SH3RF2: variants seen among roughly 807,000 people sequenced by gnomAD.
SH3RF2 encodes the protein E3 ubiquitin-protein ligase SH3RF2.
SH3RF2 carries 43 observed loss-of-function variants against 59.0 expected under a neutral mutation model. The ratio of observed to expected loss-of-function variants is 0.73; its 90% CI spans 0.57 to 0.94. The LOEUF (loss-of-function observed/expected upper bound fraction) is 0.94, where lower values mean the gene tolerates loss of function less well. Among genes scored for constraint, SH3RF2 ranks in the 40% least tolerant of loss-of-function variants. The pLI is 0.00. For synonymous variants in SH3RF2, 391 were observed against 391.5 expected, an observed-to-expected ratio of 1.00 and a Z score of 0.01; for missense variants, 930 against 940.1, an observed-to-expected ratio of 0.99 and a Z score of 0.14.
chr5:146,077,575 T>A (rs893794452), intron 9 of SH3RF2, among the ~76,000 whole-genome samples: 38 of 152,278 alleles, frequency 2.5e-4, no homozygotes, highest in African/African-American at 9.1e-4. Flanking sequence ...TCCCTAAACA[T>A]TTCAGTGTGT....
chr5:145,973,315 ACTG>A (rs1287441527), intron 2 of SH3RF2, among the ~76,000 whole-genome samples: 1 of 152,144 alleles, frequency 6.6e-6, no homozygotes, highest in East Asian at 1.9e-4. Flanking sequence ...CAGTAGGGAG[ACTG>A]CTAAAGAGTT....
intron 2 of SH3RF2, among the ~76,000 whole-genome samples, chr5:145,984,309 T>C (rs1309592175): frequency 6.6e-6 from 1 of 151,868 alleles, no homozygotes; most frequent in East Asian, 1.9e-4. Flanking sequence ...GGGTGATGAG[T>C]GTTATGATAG....
chr5:146,066,465 A>G (rs928301364), downstream of SH3RF2, among the ~76,000 whole-genome samples: 5 of 152,320 alleles, frequency 3.3e-5, no homozygotes, highest in South Asian at 1.0e-3. Flanking sequence ...TGCTGGCATC[A>G]TGAACACCTA....
chr5:146,025,657 A>G (rs1399608601), intron 5 of SH3RF2, among the ~76,000 whole-genome samples: 1 of 152,262 alleles, frequency 6.6e-6, no homozygotes, highest in Non-Finnish European at 1.5e-5. Flanking sequence ...CTCCTACCGC[A>G]TAGACTGCTG....
chr5:146,036,349 T>G (rs565278475), intron 5 of SH3RF2, among the ~76,000 whole-genome samples: 10 of 152,146 alleles, frequency 6.6e-5, no homozygotes, highest in Non-Finnish European at 1.2e-4. Context: ...CTCAGGAGTT[T>G]GAGACCAGCC....
At chr5:145,990,863 G>GAA (rs1759907908) in intron 2 of SH3RF2, among the ~76,000 whole-genome samples, 2 of 152,324 alleles carry the variant, frequency 1.3e-5, no homozygotes, top group South Asian at 4.1e-4. Context: ...AGAAAACAAT[G>GAA]ATGGGTGAGA....
intron 5 of SH3RF2, 96 bp downstream of exon 5, chr5:146,014,157 C>T (rs1349682642): frequency 3.8e-6 from 5 of 1,312,348 alleles, no homozygotes; most frequent in East Asian, 2.3e-5. Flanking sequence ...ACTTGCTAAG[C>T]ACCCAGAATG....
chr5:145,963,344 T>C (rs1035070617), intron 2 of SH3RF2, among the ~76,000 whole-genome samples: 1 of 152,130 alleles, frequency 6.6e-6, no homozygotes, highest in Non-Finnish European at 1.5e-5. Context: ...ACCTTCCCCT[T>C]GACCAGCCAG....
chr5:145,967,539 C>G (rs1758903244), intron 2 of SH3RF2, among the ~76,000 whole-genome samples: 1 of 152,202 alleles, frequency 6.6e-6, no homozygotes, highest in Admixed American at 6.5e-5. Context: ...GAATGTGAAC[C>G]CAGGTCTGCC....
At chr5:145,963,591 A>C (rs896554058) in intron 2 of SH3RF2, among the ~76,000 whole-genome samples, 3 of 152,182 alleles carry the variant, frequency 2.0e-5, no homozygotes, top group Admixed American at 6.5e-5. Context: ...AACACAGTAC[A>C]TTTAAACTAT....
At chr5:145,976,856 C>A (rs1365111588) in intron 2 of SH3RF2, among the ~76,000 whole-genome samples, 1 of 152,226 alleles carries the variant, frequency 6.6e-6, no homozygotes, top group Non-Finnish European at 1.5e-5. Flanking sequence ...ACTGTGTGGG[C>A]AAGTCCTGTT....
At chr5:145,969,671 G>C (rs780485002) in intron 2 of SH3RF2, among the ~76,000 whole-genome samples, 8 of 151,994 alleles carry the variant, frequency 5.3e-5, no homozygotes, top group Middle Eastern at 3.4e-3. Flanking sequence ...GGAGTTCAAG[G>C]CTGCAGTGAA....
chr5:146,020,556 C>T (rs1005779879), intron 5 of SH3RF2, among the ~76,000 whole-genome samples: 1 of 152,196 alleles, frequency 6.6e-6, no homozygotes, highest in African/African-American at 2.4e-5. Flanking sequence ...TGCTCCTCCG[C>T]AGAATTATTT....
At position 146,076,058 on chromosome 5, in the gene SH3RF2, TC is replaced by T. The variant is rs527543817; in HGVS notation, c.*34-2401del. 1.5e-3 allele frequency among the ~76,000 whole-genome samples: 232 copies of T among 152,214 alleles called. 1 individual carries two copies. The highest frequency in any genetic ancestry group is 5.4e-3 in the African/African-American group (223 of 41,534). ...GGGTGCCTATTAAAATGTCAGTTGA[TC>T]TTAGAGTGGAAGTTCTTTCTACATC... On this transcript the variant is annotated intron_variant, in intron 9 of 9. Transcript: ENST00000511217.
intron 2 of SH3RF2, among the ~76,000 whole-genome samples, chr5:145,982,802 C>T (rs1225036227): frequency 6.6e-6 from 1 of 152,064 alleles, no homozygotes; most frequent in Non-Finnish European, 1.5e-5. Flanking sequence ...GAAACCTGAC[C>T]CTGACATGGA....
intron 4 of SH3RF2, among the ~76,000 whole-genome samples, chr5:146,008,470 G>C (rs1282028846): frequency 6.6e-6 from 1 of 152,116 alleles, no homozygotes; most frequent in Non-Finnish European, 1.5e-5. Context: ...CCCTTTTACT[G>C]GGTGAACAAT....
intron 9 of SH3RF2, among the ~76,000 whole-genome samples, chr5:146,075,530 TACAG>T (rs1362921083): frequency 1.3e-5 from 2 of 152,012 alleles, no homozygotes; most frequent in African/African-American, 2.4e-5. Flanking sequence ...TGAGTGAAAG[TACAG>T]ACAGAGTGGT....
intron 2 of SH3RF2, among the ~76,000 whole-genome samples, chr5:145,954,628 G>A (rs897946738): frequency 8.6e-5 from 13 of 152,040 alleles, no homozygotes; most frequent in South Asian, 4.1e-4. Flanking sequence ...ATCTTTGCCC[G>A]TTCCTATGTT....
intron 2 of SH3RF2, among the ~76,000 whole-genome samples, chr5:145,944,402 A>T (rs921474397): frequency 1.3e-5 from 2 of 149,138 alleles, no homozygotes; most frequent in African/African-American, 5.0e-5. Context: ...AGTGCAGTGC[A>T]GTGCAGTGGC....
Sources: allele counts gnomAD v4.1 joint callset (sites outside exome capture counted in the v4.1 genomes callset), GRCh38; gene constraint gnomAD v4.1.1; transcripts MANE v1.5; gene names NCBI Gene and HGNC (gene_info 2026-07-23, HGNC 2026-07-21).